The following MVB12B variants were observed in gnomAD, a reference collection of about 807,000 sequenced individuals.
MVB12B encodes ESCRT-I complex subunit MVB12B.
A neutral mutation model predicts 41.6 loss-of-function variants in MVB12B; 16 were observed. The observed-to-expected ratio is 0.38, with a 90% CI of 0.26 to 0.58. MVB12B has a LOEUF of 0.58. MVB12B is among the 20% of genes least tolerant of loss of function. The probability of loss-of-function intolerance (pLI) is 0.62; values close to 1 mark genes in which losing one functional copy is unlikely to be tolerated. For synonymous variants in MVB12B, 133 were observed against 139.7 expected, an observed-to-expected ratio of 0.95 and a Z score of 0.34; for missense variants, 274 against 380.2, an observed-to-expected ratio of 0.72 and a Z score of 2.32.
At position 126,386,370 on chromosome 9, in the gene MVB12B, A is replaced by G. The variant is rs1171231232; in HGVS notation, c.313-192A>G. On this transcript the variant is annotated intron_variant, in intron 3 of 9. Transcript: ENST00000361171. The surrounding 1 kb of genome is among the most constrained non-coding windows in gnomAD (Gnocchi z 4.3). ...AGTGGCTTTGAGGTTCCGCAGATGA[A>G]ACTCCTTCCCAGGGGCCACACGAGT... Among the ~76,000 whole-genome samples, 2 of 152,090 alleles carry G rather than the reference A, an allele frequency of 1.3e-5. No homozygotes were observed. Among genetic ancestry groups the G allele is most frequent in the Non-Finnish European group, 2.9e-5 (2 of 68,000 alleles).
chr9:126,449,829 A>G (rs1832858434), intron 7 of MVB12B, among the ~76,000 whole-genome samples: 1 of 152,124 alleles, frequency 6.6e-6, no homozygotes, highest in East Asian at 1.9e-4. Flanking sequence ...TCATATATAA[A>G]CTCATTTAAT....
chr9:126,327,751 A>G (rs1305241373), intron 1 of MVB12B, among the ~76,000 whole-genome samples: 3 of 152,118 alleles, frequency 2.0e-5, no homozygotes. Context: ...ACTGTTCTAA[A>G]TCAGCAGCCC....
chr9:126,340,935 G>A lies in MVB12B; in HGVS notation c.204+305G>A, dbSNP rs1829428826. 6.6e-6 allele frequency among the ~76,000 whole-genome samples: 1 copy of A among 152,204 alleles called. No homozygotes were observed. The highest frequency in any genetic ancestry group is 6.5e-5 in the Admixed American group (1 of 15,286). On this transcript the variant is annotated intron_variant, in intron 2 of 9. Transcript: ENST00000361171. The surrounding 1 kb of genome is among the most constrained non-coding windows in gnomAD (Gnocchi z 4.0). The stretch of plus-strand genomic sequence containing the variant: ...TGAAAAGGATCCAGAGTCTATGAAC[G>A]ACTCCTGGTGGTTTTCATATATTGT...
chr9:126,475,856 T>G (rs187842692), intron 7 of MVB12B, among the ~76,000 whole-genome samples: 95 of 152,264 alleles, frequency 6.2e-4, no homozygotes, highest in Non-Finnish European at 1.0e-3. Flanking sequence ...GAGACCCCCA[T>G]CTCTACAAAA....
chr9:126,372,185 G>T (rs1175250087), intron 2 of MVB12B, among the ~76,000 whole-genome samples: 1 of 152,138 alleles, frequency 6.6e-6, no homozygotes, highest in African/African-American at 2.4e-5. Flanking sequence ...TGTTTTCAGG[G>T]TTCTTCTAAG....
rs1833254165 is a variant in MVB12B at position 126,468,797 on chromosome 9, G to T, written c.758-12572G>T. Among the ~76,000 whole-genome samples the T allele has an allele frequency of 6.6e-6, 1 of 152,152 alleles. No homozygotes were observed. The highest frequency in any genetic ancestry group is 2.4e-5 in the African/African-American group (1 of 41,416). On this transcript the variant is annotated intron_variant, in intron 7 of 9. Transcript: ENST00000361171. This position sits in a 1 kb window ranked among gnomAD's most constrained non-coding sequence, Gnocchi z 4.3. ...AAAGACCCTTTGGTGGCTCCCCAGG[G>T]ACCTCATGATGTCCTTCAGTCTGCT... is the stretch of plus-strand genomic sequence containing the variant.
Position 126,327,211 on chromosome 9 carries a change from T to A in MVB12B, c.81+201T>A. The A allele has an allele frequency of 4.1e-6, 4 of 981,140 alleles. No individual in the cohort carries two copies. The East Asian group carries it at 3.5e-4, about 85-fold the overall frequency. 60.8% of individuals were successfully genotyped at this position (981,140 alleles called of 1,614,324 possible). A position where few individuals can be genotyped will look rare whatever the true frequency, so the allele number is the denominator to read the frequency against. On this transcript the variant is annotated intron_variant, in intron 1 of 9. Transcript: ENST00000361171. ...TGCAGAGCCCCGAGCGCGCCGCGGC[T>A]GCCGGTGCCCGGGCTCGGCCTGGCG...
At chr9:126,427,735 ACT>A (rs993737505) in intron 7 of MVB12B, among the ~76,000 whole-genome samples, 3 of 152,204 alleles carry the variant, frequency 2.0e-5, no homozygotes, top group Non-Finnish European at 2.9e-5. Context: ...CAGTGCAGAA[ACT>A]CTGCAAAGCC....
At chr9:126,342,965 G>T (rs868240384) in intron 2 of MVB12B, among the ~76,000 whole-genome samples, 2 of 152,142 alleles carry the variant, frequency 1.3e-5, no homozygotes, top group Admixed American at 1.3e-4. Flanking sequence ...TTCTCCCTGC[G>T]CACAGAGCCC....
intron 1 of MVB12B, among the ~76,000 whole-genome samples, chr9:126,328,531 G>A (rs532033112): frequency 7.3e-4 from 111 of 152,252 alleles, no homozygotes; most frequent in African/African-American, 2.6e-3. Flanking sequence ...CTTACTTTGT[G>A]CCCTTGGACA....
intron 7 of MVB12B, among the ~76,000 whole-genome samples, chr9:126,434,104 A>G (rs1226760411): frequency 1.3e-5 from 2 of 152,192 alleles, no homozygotes; most frequent in African/African-American, 4.8e-5. Context: ...CTTTTTTAGA[A>G]CAACGAAGCC....
At chr9:126,432,925 C>G (rs527698460) in intron 7 of MVB12B, among the ~76,000 whole-genome samples, 13 of 152,278 alleles carry the variant, frequency 8.5e-5, no homozygotes, top group Admixed American at 2.0e-4. Flanking sequence ...TTTAAACTCT[C>G]ACGTGGGCCC....
At chr9:126,365,050 C>T (rs936939443) in intron 2 of MVB12B, among the ~76,000 whole-genome samples, 6 of 145,228 alleles carry the variant, frequency 4.1e-5, no homozygotes, top group African/African-American at 1.5e-4. Context: ...CCGCGCCTGG[C>T]CTGTTTTTTG....
Position 126,483,143 on chromosome 9 carries a change from G to C in MVB12B, c.814-830G>C, listed in dbSNP as rs77409723. 7.1e-3 allele frequency among the ~76,000 whole-genome samples: 1,088 copies of C among 152,294 alleles called. 13 individuals carry two copies. Among genetic ancestry groups the C allele is most frequent in the African/African-American group, 0.025 (1,048 of 41,572 alleles). On this transcript the variant is annotated intron_variant, in intron 8 of 9. Coordinates refer to ENST00000361171, the MANE Select transcript of MVB12B (RefSeq NM_033446.3). ...TCAGGTTTAGCCTTGGCCCCAGGAGGCTGGGCCAGGGACCCTTCTGGGGAG... is the reference window on the plus strand; with the variant it reads ...TCAGGTTTAGCCTTGGCCCCAGGAGCCTGGGCCAGGGACCCTTCTGGGGAG...
intron 7 of MVB12B, among the ~76,000 whole-genome samples, chr9:126,425,103 C>T (rs189178444): frequency 6.6e-6 from 1 of 152,286 alleles, no homozygotes; most frequent in African/African-American, 2.4e-5. Context: ...ATGCAGTGAT[C>T]TCATTTTAAC....
At chr9:126,359,161 T>G (rs1012123124) in intron 2 of MVB12B, among the ~76,000 whole-genome samples, 5 of 152,030 alleles carry the variant, frequency 3.3e-5, no homozygotes, top group African/African-American at 1.2e-4. Context: ...TGAGCCACCA[T>G]GCCCAGCCTG....
intron 9 of MVB12B, among the ~76,000 whole-genome samples, chr9:126,499,978 C>T (rs1833920073): frequency 6.6e-6 from 1 of 152,128 alleles, no homozygotes; most frequent in African/African-American, 2.4e-5. Flanking sequence ...GCACAGGGTC[C>T]CCACGACAGC....
intron 7 of MVB12B, among the ~76,000 whole-genome samples, chr9:126,433,556 G>A (rs1180664231): frequency 6.6e-6 from 1 of 151,994 alleles, no homozygotes; most frequent in African/African-American, 2.4e-5. Flanking sequence ...CTCCTGTTCC[G>A]TGAGTCCCTG....
intron 2 of MVB12B, among the ~76,000 whole-genome samples, chr9:126,369,004 C>T (rs1305069640): frequency 6.6e-5 from 10 of 152,112 alleles, no homozygotes; most frequent in East Asian, 5.8e-4. Context: ...CTCTTGTTAA[C>T]GGGTGTGTGA....
Sources: allele counts gnomAD v4.1 joint callset (sites outside exome capture counted in the v4.1 genomes callset), GRCh38; gene constraint gnomAD v4.1.1; non-coding constraint Gnocchi (gnomAD v3.1); transcripts MANE v1.5; gene names NCBI Gene and HGNC (gene_info 2026-07-23, HGNC 2026-07-21).